Variants in EDIL3 observed in about 807,000 individuals in gnomAD.
EDIL3 encodes the protein EGF like and discoidin domains 3.
In EDIL3, 37 loss-of-function variants were observed where a neutral mutation model predicts 67.4. The ratio of observed to expected loss-of-function variants is 0.55; its 90% CI spans 0.42 to 0.72. EDIL3 has a LOEUF of 0.72. Among genes scored for constraint, EDIL3 ranks in the 30% least tolerant of loss-of-function variants. EDIL3 has a pLI of 0.00. For missense variants in EDIL3, 527 were observed against 586.3 expected, an observed-to-expected ratio of 0.90 and a Z score of 1.04; for synonymous variants, 195 against 196.3, an observed-to-expected ratio of 0.99 and a Z score of 0.05.
intron 9 of EDIL3, among the ~76,000 whole-genome samples, chr5:83,985,767 T>C (rs1470634814): frequency 6.6e-6 from 1 of 151,850 alleles, no homozygotes; most frequent in African/African-American, 2.4e-5. Flanking sequence ...ATTACCTATA[T>C]ATAATTTTAA....
intron 1 of EDIL3, among the ~76,000 whole-genome samples, chr5:84,324,510 A>T (rs1351991691): frequency 1.3e-5 from 2 of 151,808 alleles, no homozygotes; most frequent in African/African-American, 4.8e-5. Context: ...AAGGAACAAG[A>T]AAATGAAGAT....
intron 3 of EDIL3, among the ~76,000 whole-genome samples, chr5:84,202,007 A>G (rs1438754229): frequency 2.6e-5 from 4 of 152,308 alleles, no homozygotes; most frequent in South Asian, 4.1e-4. Context: ...AACATACGCA[A>G]GAAAAACAGT....
intron 4 of EDIL3, among the ~76,000 whole-genome samples, chr5:84,147,106 C>T (rs144148556): frequency 2.0e-3 from 311 of 151,952 alleles, no homozygotes; most frequent in African/African-American, 7.0e-3. Flanking sequence ...TTTATAATTT[C>T]GTCTCCTAAA....
chr5:84,356,885 C>CTTTTT lies in EDIL3; in HGVS notation c.67+27422_67+27423insAAAAA, dbSNP rs1229298711. Among the ~76,000 whole-genome samples the CTTTTT allele has an allele frequency of 1.1e-3, 42 of 39,348 alleles. 2 individuals carry two copies. The highest frequency in any genetic ancestry group is 3.6e-3 in the African/African-American group (41 of 11,538). 25.8% of individuals were successfully genotyped at this position (39,348 alleles called of 152,430 possible). A position where few individuals can be genotyped will look rare whatever the true frequency, so the allele number is the denominator to read the frequency against. On this transcript the variant is annotated intron_variant, in intron 1 of 10. Transcript: ENST00000296591. ...TCAGGACCTTGAGAAAACAATCTTT[C>CTTTTT]TTTCTTTTTTTTTTTTTTTTTTTTT...
intron 1 of EDIL3, among the ~76,000 whole-genome samples, chr5:84,292,328 A>T (rs1743854503): frequency 6.6e-6 from 1 of 152,192 alleles, no homozygotes; most frequent in Non-Finnish European, 1.5e-5. Context: ...CAAAATTTAG[A>T]GGTTGTTTTC....
At chr5:84,036,998 C>T (rs1746033223) in intron 9 of EDIL3, among the ~76,000 whole-genome samples, 1 of 152,122 alleles carries the variant, frequency 6.6e-6, no homozygotes, top group Admixed American at 6.5e-5. Context: ...CAAGAGGTAA[C>T]TTCAGGGCTG....
intron 1 of EDIL3, among the ~76,000 whole-genome samples, chr5:84,323,535 A>T (rs1383172488): frequency 2.0e-5 from 3 of 151,930 alleles, no homozygotes; most frequent in African/African-American, 7.2e-5. Flanking sequence ...AAGGAAACAA[A>T]CAGAAAAATT....
At position 84,281,756 on chromosome 5, in the gene EDIL3, A is replaced by C. The variant is rs189162432; in HGVS notation, c.68-27544T>G. ...CCAAATACTTATTTTAAATTATGAG[A>C]TATTTGAAGAGTGAAAAGAAGTATG... is the stretch of plus-strand genomic sequence containing the variant. On this transcript the variant is annotated intron_variant, in intron 1 of 10. Coordinates refer to ENST00000296591, the MANE Select transcript of EDIL3 (RefSeq NM_005711.5). Among the ~76,000 whole-genome samples, 797 of 152,084 alleles carry C rather than the reference A, an allele frequency of 5.2e-3. 10 individuals are homozygous for C. Among genetic ancestry groups the C allele is most frequent in the African/African-American group, 0.018 (746 of 41,480 alleles).
At chr5:84,235,689 A>G (rs184145310) in intron 2 of EDIL3, among the ~76,000 whole-genome samples, 1 of 152,204 alleles carries the variant, frequency 6.6e-6, no homozygotes, top group Admixed American at 6.6e-5. Context: ...AGTCATTTGT[A>G]TTAAATAAAG....
At chr5:84,200,240 A>T (rs1743803455) in intron 3 of EDIL3, among the ~76,000 whole-genome samples, 1 of 152,148 alleles carries the variant, frequency 6.6e-6, no homozygotes, top group African/African-American at 2.4e-5. Context: ...CACGTTGTGC[A>T]CATGTACCCT....
chr5:84,121,936 G>A (rs1019552743), intron 5 of EDIL3, among the ~76,000 whole-genome samples: 6 of 152,100 alleles, frequency 3.9e-5, no homozygotes, highest in Non-Finnish European at 7.4e-5. Context: ...GGTCCTGACC[G>A]ATAAATGGGC....
At chr5:83,992,171 G>A (rs1745161844) in intron 9 of EDIL3, among the ~76,000 whole-genome samples, 1 of 152,132 alleles carries the variant, frequency 6.6e-6, no homozygotes, top group Non-Finnish European at 1.5e-5. Context: ...ATTTCCAGGT[G>A]GAATTCCCAC....
intron 1 of EDIL3, among the ~76,000 whole-genome samples, chr5:84,380,157 G>C (rs906532975): frequency 6.6e-6 from 1 of 151,846 alleles, no homozygotes; most frequent in Non-Finnish European, 1.5e-5. Flanking sequence ...ATACATGTTT[G>C]CTTTGATTAA....
intron 9 of EDIL3, among the ~76,000 whole-genome samples, chr5:84,042,550 C>T (rs909733471): frequency 1.3e-5 from 2 of 151,990 alleles, no homozygotes; most frequent in Non-Finnish European, 2.9e-5. Context: ...TCAAAGTGTT[C>T]GGATTACAGG....
intron 4 of EDIL3, among the ~76,000 whole-genome samples, chr5:84,156,320 C>T (rs927928146): frequency 2.0e-5 from 3 of 152,162 alleles, no homozygotes; most frequent in African/African-American, 7.2e-5. Flanking sequence ...TACCAGCTCA[C>T]CCCTAGCTAG....
chr5:83,950,754 A>T (rs1235186888), intron 10 of EDIL3, among the ~76,000 whole-genome samples: 1 of 151,832 alleles, frequency 6.6e-6, no homozygotes, highest in East Asian at 1.9e-4. Context: ...ATATTTCAGT[A>T]ACAAAAAATC....
chr5:84,103,156 G>T (rs1747398156), intron 6 of EDIL3, among the ~76,000 whole-genome samples: 1 of 152,062 alleles, frequency 6.6e-6, no homozygotes, highest in African/African-American at 2.4e-5. Flanking sequence ...CTGGGATAGT[G>T]GTTAGCCATA....
At chr5:84,252,401 G>A (rs1276774149) in intron 2 of EDIL3, among the ~76,000 whole-genome samples, 1 of 149,204 alleles carries the variant, frequency 6.7e-6, no homozygotes. Flanking sequence ...GGCTGAGGCA[G>A]GAGAACGGTG....
intron 4 of EDIL3, among the ~76,000 whole-genome samples, chr5:84,141,426 C>A (rs1370071074): frequency 2.0e-5 from 3 of 146,634 alleles, no homozygotes; most frequent in Non-Finnish European, 4.5e-5. Flanking sequence ...CCCTTGTTTC[C>A]TGAAATTATA....
Sources: allele counts gnomAD v4.1 joint callset (sites outside exome capture counted in the v4.1 genomes callset), GRCh38; gene constraint gnomAD v4.1.1; transcripts MANE v1.5; gene names NCBI Gene and HGNC (gene_info 2026-07-23, HGNC 2026-07-21).